The following PRDM16 variants were observed in gnomAD, a reference collection of about 807,000 sequenced individuals.
PRDM16 encodes the protein histone-lysine N-methyltransferase PRDM16.
PRDM16 carries 23 observed loss-of-function variants against 110.6 expected under a neutral mutation model. The ratio of observed to expected loss-of-function variants is 0.21; its 90% confidence interval spans 0.15 to 0.29. The LOEUF is 0.29. Ranked by LOEUF, PRDM16 falls within the 10% of genes least tolerant of loss-of-function variation. PRDM16 has a pLI of 1.00. For synonymous variants in PRDM16, 799 were observed against 781.8 expected (o/e 1.02, Z -0.37); for missense variants, 1,615 against 1,794.3 (o/e 0.90, Z 1.81).
In PRDM16 at chr1:3,190,467, T is replaced by G. The variant is rs1638273102; in HGVS notation, c.387+3993T>G. On this transcript the variant is annotated intron_variant, in intron 2 of 16. Transcript: ENST00000270722. The surrounding 1 kb of genome is among the most constrained non-coding windows in gnomAD (Gnocchi z 5.0). The stretch of plus-strand genomic sequence containing the variant: ...TCTCCCTCCTGTGTGTTAGGAATAG[T>G]CGCTGACTAAACCCGCTTTGTTCCT... Among the ~76,000 whole-genome samples, 1 of 152,162 alleles carries G rather than the reference T, an allele frequency of 6.6e-6. No homozygotes were observed. Among genetic ancestry groups the G allele is most frequent in the Non-Finnish European group, 1.5e-5 (1 of 68,010 alleles).
chr1:3,229,836 C>T (rs1469391568), intron 2 of PRDM16, among the ~76,000 whole-genome samples: 1 of 152,226 alleles, frequency 6.6e-6, no homozygotes, highest in Admixed American at 6.5e-5. Context: ...AGGCTCCATT[C>T]TCAGACACGG....
chr1:3,216,281 C>A (rs1037089344), intron 2 of PRDM16, among the ~76,000 whole-genome samples: 1 of 152,076 alleles, frequency 6.6e-6, no homozygotes, highest in African/African-American at 2.4e-5. Context: ...GTTCAAGAAG[C>A]GTCCAACCCG....
Position 3,432,012 on chromosome 1 carries a change from C to A in PRDM16, c.3568C>A (p.Pro1190Thr). 1.2e-6 allele frequency: 2 copies of A among 1,614,066 alleles called. No homozygotes were observed. The highest frequency in any genetic ancestry group is 2.2e-5 in the South Asian group (2 of 91,084). Residue 1190 changes from proline (P) to threonine (T), a missense_variant, in exon 16 of 17, where the codon CCG (proline) becomes ACG (threonine). By Grantham distance (38) the Pro-to-Thr change is conservative. Around this residue, in one of 5 missense-constraint regions of PRDM16, gnomAD observed 327 missense variants for 359.3 expected, o/e 0.91. Transcript: ENST00000270722. Reference sequence around the variant, plus strand: ...CGGTCTGTTAGCTTTGGAGCCGATGCCGACTTTTGGGAAGGGGCTGGACCT... The same window carrying A: ...CGGTCTGTTAGCTTTGGAGCCGATGACGACTTTTGGGAAGGGGCTGGACCT... ...EGGLLALEPMPTFGKGLDLRR... is the reference protein window; with the variant it reads ...EGGLLALEPMTTFGKGLDLRR...
chr1:3,316,707 T>TAGACAGGAAACAGTGACAC (rs1557602834), intron 3 of PRDM16, among the ~76,000 whole-genome samples: 2 of 140,000 alleles, frequency 1.4e-5, no homozygotes, highest in Admixed American at 1.4e-4. Flanking sequence ...AACAGTGACA[T>TAGACAGGAAACAGTGACAC]AGTGGAGCCA....
At position 3,317,595 on chromosome 1, in the gene PRDM16, G is replaced by A. The variant is rs144519667; in HGVS notation, c.439-67557G>A. Among the ~76,000 whole-genome samples, 1,498 of 152,306 alleles carry A rather than the reference G, an allele frequency of 9.8e-3. 38 individuals are homozygous for A. The highest frequency in any genetic ancestry group is 0.034 in the African/African-American group (1,421 of 41,556). Reference sequence around the variant, plus strand: ...TGAAAGCAAAGCCATCACGTGGGCCGGATCCCTCCTGCCTCTTGGCTCCGC... The same window carrying A: ...TGAAAGCAAAGCCATCACGTGGGCCAGATCCCTCCTGCCTCTTGGCTCCGC... On this transcript the variant is annotated intron_variant, in intron 3 of 16. Coordinates refer to ENST00000270722, the MANE Select transcript of PRDM16 (RefSeq NM_022114.4).
At position 3,098,915 on chromosome 1, in the gene PRDM16, G is replaced by A. The variant is rs144772710; in HGVS notation, c.37+29619G>A. On this transcript the variant is annotated intron_variant, in intron 1 of 16. Transcript: ENST00000270722. ...GTGCTGCCTCCACCTCCCCACCAAG[G>A]ACCCGGCAAATGCTGCTTCTCAGTG... 2.0e-3 allele frequency among the ~76,000 whole-genome samples: 299 copies of A among 152,332 alleles called. 1 individual carries two copies. The highest frequency in any genetic ancestry group is 6.8e-3 in the Middle Eastern group (2 of 294).
chr1:3,092,567 C>G (rs1040589352), intron 1 of PRDM16, among the ~76,000 whole-genome samples: 1 of 152,232 alleles, frequency 6.6e-6, no homozygotes, highest in Non-Finnish European at 1.5e-5. Context: ...CATTTCTGGT[C>G]AGCGAGTGGG....
intron 3 of PRDM16, among the ~76,000 whole-genome samples, chr1:3,259,829 T>C (rs1410332749): frequency 6.6e-6 from 1 of 152,096 alleles, no homozygotes; most frequent in Non-Finnish European, 1.5e-5. Flanking sequence ...CCCCTCTCCA[T>C]GGTCAGGTCT....
chr1:3,152,989 AGG>A, intron 1 of PRDM16, among the ~76,000 whole-genome samples: 1 of 152,350 alleles, frequency 6.6e-6, no homozygotes, highest in Admixed American at 6.5e-5. Flanking sequence ...GCCCCTAGTC[AGG>A]GAGGTGCCCA....
chr1:3,399,472 G>A lies in PRDM16; in HGVS notation c.676+2879G>A, dbSNP rs575875526. 1.2e-4 allele frequency among the ~76,000 whole-genome samples: 18 copies of A among 152,220 alleles called. No individual in the cohort carries two copies. In the East Asian group the frequency reaches 3.1e-3, roughly 26 times the overall value. On this transcript the variant is annotated intron_variant, in intron 5 of 16. Coordinates refer to ENST00000270722, the MANE Select transcript of PRDM16 (RefSeq NM_022114.4). Reference sequence around the variant, plus strand: ...AGCCTTACCTGCCTGGAAGACAGCCGGGAGACCTGTCCATACCACTCAGTA... The same window carrying A: ...AGCCTTACCTGCCTGGAAGACAGCCAGGAGACCTGTCCATACCACTCAGTA...
At chr1:3,105,511 C>T (rs546557005) in intron 1 of PRDM16, among the ~76,000 whole-genome samples, 30 of 152,348 alleles carry the variant, frequency 2.0e-4, no homozygotes, top group Admixed American at 5.9e-4. Flanking sequence ...GGACGGTCAC[C>T]GGTCTGGACC....
At chr1:3,144,754 G>A (rs1191860845) in intron 1 of PRDM16, among the ~76,000 whole-genome samples, 1 of 152,208 alleles carries the variant, frequency 6.6e-6, no homozygotes, top group Non-Finnish European at 1.5e-5. Context: ...CCCCAGTAAA[G>A]GGCTCTTTCT....
chr1:3,351,205 G>C (rs1642474999), intron 3 of PRDM16, among the ~76,000 whole-genome samples: 1 of 152,162 alleles, frequency 6.6e-6, no homozygotes, highest in Non-Finnish European at 1.5e-5. Flanking sequence ...GCCAGTGCCA[G>C]CTCTCATCCC....
rs1639783480 is a variant in PRDM16, at chr1:3,246,030, G to A, written c.438+1893G>A. ...GAGGGGTTGCTTGGTCTAGGAACAG[G>A]GGTCAAGTCAGAAGGTCAAAAGGTC... On this transcript the variant is annotated intron_variant, in intron 3 of 16. Coordinates refer to ENST00000270722, the MANE Select transcript of PRDM16 (RefSeq NM_022114.4). This position sits in a 1 kb window ranked among gnomAD's most constrained non-coding sequence, Gnocchi z 5.2. Among the ~76,000 whole-genome samples the A allele has an allele frequency of 6.6e-6, 1 of 152,110 alleles. No individual in the cohort carries two copies. The highest frequency in any genetic ancestry group is 6.5e-5 in the Admixed American group (1 of 15,276).
intron 2 of PRDM16, among the ~76,000 whole-genome samples, chr1:3,195,492 G>A (rs1046945400): frequency 1.1e-4 from 17 of 151,986 alleles, no homozygotes; most frequent in East Asian, 3.9e-4. Context: ...ATTCACAAGC[G>A]AAAAAGGAAA....
chr1:3,312,398 G>A (rs1451042506), intron 3 of PRDM16, among the ~76,000 whole-genome samples: 1 of 152,204 alleles, frequency 6.6e-6, no homozygotes, highest in African/African-American at 2.4e-5. Context: ...GGACCACAGG[G>A]CCCCGAGGGC....
At chr1:3,260,755 T>TGAGGAA (rs1640145681) in intron 3 of PRDM16, among the ~76,000 whole-genome samples, 1 of 137,670 alleles carries the variant, frequency 7.3e-6, no homozygotes, top group African/African-American at 2.8e-5. Context: ...ATGAGGAAGA[T>TGAGGAA]GATGATTTAG....
At chr1:3,363,161 G>A (rs79114223) in intron 3 of PRDM16, among the ~76,000 whole-genome samples, 8 of 152,136 alleles carry the variant, frequency 5.3e-5, no homozygotes, top group Admixed American at 1.3e-4. Context: ...CCTCCAGCCC[G>A]GGGGTCGGGT....
intron 12 of PRDM16, among the ~76,000 whole-genome samples, chr1:3,422,050 GGACAGACAGGCA>G (rs1275106577): frequency 6.9e-6 from 1 of 144,162 alleles, no homozygotes; most frequent in African/African-American, 2.6e-5. Context: ...ACAGATGGAT[GGACAGACAGGCA>G]GACAGACAGG....
Sources: gnomAD v4.1 joint callset for allele counts (sites outside exome capture counted in the v4.1 genomes callset) on GRCh38, gnomAD v4.1.1 for gene constraint, gnomAD v4.1.1 regional missense constraint, Gnocchi (gnomAD v3.1) non-coding constraint, MANE v1.5 for transcripts, NCBI Gene and HGNC (gene_info 2026-07-23, HGNC 2026-07-21) for gene names.